The following RYR3 variants were observed in gnomAD, a reference collection of about 807,000 sequenced individuals.
RYR3 encodes ryanodine receptor 3, also known as brain ryanodine receptor-calcium release channel.
RYR3 carries 207 observed loss-of-function variants against 584.3 expected under a neutral mutation model. That is an observed-to-expected ratio of 0.35 (90% CI 0.32 to 0.40). The LOEUF (loss-of-function observed/expected upper bound fraction) is 0.40, where lower values mean the gene tolerates loss of function less well. RYR3 is among the 10% of genes least tolerant of loss of function. The probability of loss-of-function intolerance (pLI) is 1.00; values close to 1 mark genes in which losing one functional copy is unlikely to be tolerated. For missense variants in RYR3, 5,616 were observed against 6,089.2 expected (o/e 0.92, Z 2.59); for synonymous variants, 2,416 against 2,248.5 (o/e 1.07, Z -2.11).
chr15:33,568,624 C>T (rs2164250), intron 12 of RYR3, among the ~76,000 whole-genome samples: 99,744 of 151,918 alleles, frequency 0.66, 33,698 homozygotes, highest in Middle Eastern at 0.76. Flanking sequence ...AGAGATGGGG[C>T]CTCACTGTGT....
rs2152645918 is a variant in RYR3 at position 33,635,729 on chromosome 15, A to G, written c.3291A>G (p.Gly1097=). Reference sequence around the variant, plus strand: ...TTGAGTTTGAAGTGGTGACTGGAGGAGACATGCGAGTCGGCTGGGCGAGGC... The same window carrying G: ...TTGAGTTTGAAGTGGTGACTGGAGGGGACATGCGAGTCGGCTGGGCGAGGC... ...WYFEFEVVTG[G]DMRVGWARPG... is the part of the protein sequence containing the mutation. The change falls in exon 26 of 104, where the codon GGA becomes GGG. Residue 1097 remains glycine (G), a synonymous_variant. Coordinates refer to ENST00000634891, the MANE Select transcript of RYR3 (RefSeq NM_001036.6). The G allele has an allele frequency of 1.9e-6, 3 of 1,613,938 alleles. No individual in the cohort carries two copies. Among genetic ancestry groups the G allele is most frequent in the Non-Finnish European group, 2.5e-6 (3 of 1,179,876 alleles).
chr15:33,766,198 G>T (rs780813546), intron 60 of RYR3, among the ~76,000 whole-genome samples: 1 of 150,354 alleles, frequency 6.7e-6, no homozygotes, highest in Non-Finnish European at 1.5e-5. Context: ...CAGGAGAATC[G>T]CTTGAACCCA....
chr15:33,722,505 G>T (rs992533077), intron 43 of RYR3: 2 of 563,002 alleles, frequency 3.6e-6, no homozygotes, highest in African/African-American at 3.8e-5. Context: ...TGGTTCAAGT[G>T]CAGTGAGTGG....
intron 3 of RYR3, among the ~76,000 whole-genome samples, chr15:33,508,643 C>A (rs536535432): frequency 1.3e-5 from 2 of 152,120 alleles, no homozygotes; most frequent in South Asian, 4.2e-4. Context: ...GAGCAAGTCT[C>A]CATCTCAAAA....
intron 1 of RYR3, among the ~76,000 whole-genome samples, chr15:33,459,496 T>G (rs2047841197): frequency 6.6e-6 from 1 of 152,114 alleles, no homozygotes; most frequent in South Asian, 2.1e-4. Flanking sequence ...TGCTTTCTGG[T>G]TTAAGACTGG....
At chr15:33,387,631 A>G (rs369869531) in intron 1 of RYR3, among the ~76,000 whole-genome samples, 2 of 150,718 alleles carry the variant, frequency 1.3e-5, no homozygotes, top group African/African-American at 2.4e-5. Flanking sequence ...AGAAAAGAAC[A>G]CAAGATGAAT....
At chr15:33,778,170 A>AAAT (rs2074137644) in intron 64 of RYR3, among the ~76,000 whole-genome samples, 1 of 148,302 alleles carries the variant, frequency 6.7e-6, no homozygotes. Flanking sequence ...ACTCTGTCTC[A>AAAT]AAATAAATAA....
intron 75 of RYR3, among the ~76,000 whole-genome samples, chr15:33,817,225 TG>T (rs758501245): frequency 8.5e-5 from 13 of 152,198 alleles, no homozygotes; most frequent in Non-Finnish European, 1.8e-4. Flanking sequence ...CGCCATGTCA[TG>T]GGGGGTTCAT....
At chr15:33,686,421 G>T (rs996505261) in intron 38 of RYR3, among the ~76,000 whole-genome samples, 1 of 152,152 alleles carries the variant, frequency 6.6e-6, no homozygotes, top group African/African-American at 2.4e-5. Flanking sequence ...CTCTGAAATT[G>T]AGGTAATAAT....
intron 3 of RYR3, among the ~76,000 whole-genome samples, chr15:33,511,329 T>TTA (rs879241437): frequency 3.4e-5 from 4 of 119,374 alleles, no homozygotes; most frequent in African/African-American, 1.2e-4. Context: ...TTTCTCTCTT[T>TTA]AAAAAAAAAA....
intron 26 of RYR3, 119 bp from the exon 27 acceptor site, chr15:33,636,257 G>A: frequency 1.2e-6 from 1 of 863,794 alleles, no homozygotes. Flanking sequence ...ATCCTTGAGT[G>A]TCCCCTAGAA....
intron 80 of RYR3, among the ~76,000 whole-genome samples, chr15:33,821,927 T>G (rs2077128394): frequency 6.6e-6 from 1 of 152,246 alleles, no homozygotes; most frequent in Non-Finnish European, 1.5e-5. Flanking sequence ...GCCCTTTATT[T>G]TCACTAATTA....
At chr15:33,805,691 A>T (rs1478518837) in intron 69 of RYR3, among the ~76,000 whole-genome samples, 1 of 151,552 alleles carries the variant, frequency 6.6e-6, no homozygotes, top group Admixed American at 6.6e-5. Flanking sequence ...GTTAGCCAGG[A>T]TGGTCTCGAT....
chr15:33,487,791 G>A lies in RYR3; in HGVS notation c.171+14253G>A, dbSNP rs115910778. Among the ~76,000 whole-genome samples, 759 of 152,294 alleles carry A rather than the reference G, an allele frequency of 5.0e-3. 7 individuals are homozygous for A. The highest frequency in any genetic ancestry group is 0.017 in the African/African-American group (721 of 41,564). Reference sequence around the variant, plus strand: ...CAACTTCAAGGTGAAGGGTTGGGATGCAATCCTAACTATGTTCAGATTCTG... The same window carrying A: ...CAACTTCAAGGTGAAGGGTTGGGATACAATCCTAACTATGTTCAGATTCTG... On this transcript the variant is annotated intron_variant, in intron 2 of 103. Transcript: ENST00000634891.
At position 33,837,610 on chromosome 15, in the gene RYR3, C is replaced by T. The variant is rs776244380; in HGVS notation, c.11651-21C>T. On this transcript the variant is annotated intron_variant, in intron 88 of 103. Coordinates refer to ENST00000634891, the MANE Select transcript of RYR3 (RefSeq NM_001036.6). ...TGGGTTTATTTGTATATTTGTATGT[C>T]TTTTTGAACCTGCCTCACAGGGAAT... is the stretch of plus-strand genomic sequence containing the variant. 9.7e-6 allele frequency: 15 copies of T among 1,543,106 alleles called. 1 individual carries two copies. In the Admixed American group the frequency reaches 1.7e-4, roughly 17 times the overall value.
intron 67 of RYR3, among the ~76,000 whole-genome samples, chr15:33,794,052 A>AT (rs71117178): frequency 0.019 from 1,428 of 75,028 alleles, 64 homozygotes; most frequent in Admixed American, 0.025. Context: ...ACATATATAT[A>AT]AATATATACA....
intron 68 of RYR3, among the ~76,000 whole-genome samples, chr15:33,801,318 A>G (rs936327412): frequency 6.6e-6 from 1 of 152,200 alleles, no homozygotes; most frequent in Non-Finnish European, 1.5e-5. Flanking sequence ...ATGAAGTCTC[A>G]TATGTGGCCA....
rs145391554 is a variant in RYR3, at chr15:33,818,789, T to C, written c.10706+105T>C. 1.5e-4 allele frequency: 116 copies of C among 781,888 alleles called. 1 individual carries two copies. In the African/African-American group the frequency reaches 1.7e-3, roughly 11 times the overall value. The allele number at this position is 781,888 out of a possible 1,614,324, so 48.4% of individuals were successfully genotyped here. A position where few individuals can be genotyped will look rare whatever the true frequency, so the allele number is the denominator to read the frequency against. ...CAGTGGGTGGAAAAGGGAAGCTAGA[T>C]TTGAGCAGCCCTCCTTGCTGCCTTA... On this transcript the variant is annotated intron_variant, in intron 76 of 103. Coordinates refer to ENST00000634891, the MANE Select transcript of RYR3 (RefSeq NM_001036.6).
chr15:33,726,307 T>C, intron 45 of RYR3, 79 bp from the exon 46 acceptor site: 1 of 1,546,878 alleles, frequency 6.5e-7, no homozygotes, highest in South Asian at 1.2e-5. Context: ...GCCGTTTTAC[T>C]GCCAGAGGTT....
Sources: allele counts gnomAD v4.1 joint callset (sites outside exome capture counted in the v4.1 genomes callset), GRCh38; gene constraint gnomAD v4.1.1; transcripts MANE v1.5; gene names NCBI Gene and HGNC (gene_info 2026-07-23, HGNC 2026-07-21).